The following SLC25A16 variants were observed in gnomAD, a reference collection of about 807,000 sequenced individuals.
The protein encoded by SLC25A16 is solute carrier family 25 member 16, also known as mitochondrial coenzyme A transporter SLC25A16.
A neutral mutation model predicts 41.5 loss-of-function variants in SLC25A16; 39 were observed. The observed-to-expected ratio is 0.94, with a 90% CI of 0.73 to 1.23. The LOEUF (loss-of-function observed/expected upper bound fraction) is 1.23, where lower values mean the gene tolerates loss of function less well. Among genes scored for constraint, SLC25A16 ranks in the 50% most tolerant of loss-of-function variants. SLC25A16 has a pLI of 0.00. For synonymous variants in SLC25A16, 146 were observed against 147.8 expected (o/e 0.99, Z 0.09); for missense variants, 421 against 426.9 (o/e 0.99, Z 0.12).
At chr10:68,506,519 C>A in intron 3 of SLC25A16, 66 bp downstream of exon 3, 1 of 1,098,148 alleles carries the variant, frequency 9.1e-7, no homozygotes, top group Non-Finnish European at 1.3e-6. Context: ...ATGTCCAAAG[C>A]AAATGCCTGG....
intron 2 of SLC25A16, among the ~76,000 whole-genome samples, chr10:68,510,806 C>T (rs2053049600): frequency 6.6e-6 from 1 of 152,080 alleles, no homozygotes; most frequent in South Asian, 2.1e-4. Context: ...CCACTGCACT[C>T]CCGCCTGGGC....
At chr10:68,493,931 T>C (rs927433338) in intron 4 of SLC25A16, among the ~76,000 whole-genome samples, 2 of 152,186 alleles carry the variant, frequency 1.3e-5, no homozygotes, top group African/African-American at 4.8e-5. Flanking sequence ...TGATCCATTG[T>C]TTCCACATCC....
At chr10:68,512,900 G>A (rs1031968924) in intron 2 of SLC25A16, among the ~76,000 whole-genome samples, 2 of 152,026 alleles carry the variant, frequency 1.3e-5, no homozygotes, top group Admixed American at 6.6e-5. Context: ...TTAGCTGGGC[G>A]TGGTGGCGGG....
At chr10:68,511,567 C>A (rs2053063821) in intron 2 of SLC25A16, among the ~76,000 whole-genome samples, 1 of 152,198 alleles carries the variant, frequency 6.6e-6, no homozygotes, top group Non-Finnish European at 1.5e-5. Context: ...CACTGATACG[C>A]AGAGTAATAC....
chr10:68,485,567 G>A (rs2133483234), intron 8 of SLC25A16, among the ~76,000 whole-genome samples: 1 of 150,520 alleles, frequency 6.6e-6, no homozygotes, highest in Non-Finnish European at 1.5e-5. Context: ...TGTATTTTTA[G>A]TAGAGACAGG....
chr10:68,488,629 C>G lies in SLC25A16; in HGVS notation c.611G>C (p.Gly204Ala). ...PTILGMAPYA[G>A]VSFFTFGTLK... ...GGTACCAAAAGTAAAAAATGAAACA[C>G]CTGAAAAACAAAAAATAAATTCACC... is the stretch of plus-strand genomic sequence containing the variant. Residue 204 changes from glycine to alanine, a missense_variant and splice_region_variant, in exon 7 of 9, where the codon GGT becomes GCT. Coordinates refer to ENST00000609923, the MANE Select transcript of SLC25A16 (RefSeq NM_152707.4). 1 of 1,611,354 alleles carries G rather than the reference C, an allele frequency of 6.2e-7. No homozygotes were observed.
chr10:68,508,486 G>A (rs2052997897), intron 2 of SLC25A16, among the ~76,000 whole-genome samples: 1 of 151,734 alleles, frequency 6.6e-6, no homozygotes, highest in Non-Finnish European at 1.5e-5. Flanking sequence ...GGCCGAGGAG[G>A]GTGGATCACC....
intron 2 of SLC25A16, among the ~76,000 whole-genome samples, chr10:68,514,211 A>G (rs1464618932): frequency 2.0e-5 from 3 of 152,076 alleles, no homozygotes; most frequent in Admixed American, 2.0e-4. Context: ...TAGTAATAAT[A>G]ATAGGCCGGG....
At position 68,499,324 on chromosome 10, in the gene SLC25A16, G is replaced by A. The variant is rs116739514; in HGVS notation, c.421+4308C>T. The stretch of plus-strand genomic sequence containing the variant: ...GAGCAGACCAAAGAGCACAACAAGC[G>A]GAACTCAGCTCATCACTTCTAGGTT... On this transcript the variant is annotated intron_variant, in intron 4 of 8. Coordinates refer to ENST00000609923, the MANE Select transcript of SLC25A16 (RefSeq NM_152707.4). Among the ~76,000 whole-genome samples, 600 of 152,282 alleles carry A rather than the reference G, an allele frequency of 3.9e-3. 8 individuals are homozygous for A. The highest frequency in any genetic ancestry group is 0.014 in the African/African-American group (578 of 41,562).
chr10:68,504,373 A>G (rs190714093), intron 3 of SLC25A16, among the ~76,000 whole-genome samples: 15 of 150,604 alleles, frequency 1.0e-4, no homozygotes, highest in Admixed American at 4.0e-4. Flanking sequence ...TGATACACAA[A>G]TGGCATCAAT....
At chr10:68,518,958 C>T (rs1042167794) in intron 1 of SLC25A16, among the ~76,000 whole-genome samples, 7 of 151,786 alleles carry the variant, frequency 4.6e-5, no homozygotes, top group African/African-American at 1.7e-4. Flanking sequence ...TTTGGGAGGC[C>T]GAGGTGGGCG....
At chr10:68,514,697 T>C (rs1214608550) in intron 2 of SLC25A16, among the ~76,000 whole-genome samples, 1 of 152,086 alleles carries the variant, frequency 6.6e-6, no homozygotes, top group Non-Finnish European at 1.5e-5. Context: ...TATTGAAGTG[T>C]CCATGTTAAT....
chr10:68,527,386 G>C lies in SLC25A16; in HGVS notation c.-11C>G. 1 of 1,480,570 alleles carries C rather than the reference G, an allele frequency of 6.8e-7. No homozygotes were observed. The highest frequency in any genetic ancestry group is 8.9e-7 in the Non-Finnish European group (1 of 1,123,268). 91.7% of individuals were successfully genotyped at this position (1,480,570 alleles called of 1,614,324 possible). A position where few individuals can be genotyped will look rare whatever the true frequency, so the allele number is the denominator to read the frequency against. ...CGTCGCCGCCGCCATCAGGACCAGGGTCGCGTCAGGAGCCTAGGTTGCCAA... is the reference window on the plus strand; with the variant it reads ...CGTCGCCGCCGCCATCAGGACCAGGCTCGCGTCAGGAGCCTAGGTTGCCAA... On this transcript the variant is annotated 5_prime_UTR_variant, in exon 1 of 9. Transcript: ENST00000609923.
In SLC25A16 at chr10:68,523,576, G is replaced by A. The variant is rs557316168; in HGVS notation, c.130+3670C>T. On this transcript the variant is annotated intron_variant, in intron 1 of 8. Transcript: ENST00000609923. ...CAACCTCCACCACCCAGGTTGAAGC[G>A]ATTCTCATGCCTCAGCTTCCCAAGT... Among the ~76,000 whole-genome samples, 6 of 152,224 alleles carry A rather than the reference G, an allele frequency of 3.9e-5. No individual in the cohort carries two copies. The East Asian group carries it at 9.7e-4, about 25-fold the overall frequency.
At chr10:68,513,049 AC>A (rs1296068592) in intron 2 of SLC25A16, among the ~76,000 whole-genome samples, 1 of 152,088 alleles carries the variant, frequency 6.6e-6, no homozygotes, top group Non-Finnish European at 1.5e-5. Flanking sequence ...GATAAACAAA[AC>A]AAAACAAAAT....
chr10:68,502,213 C>CA (rs796673637), intron 4 of SLC25A16, among the ~76,000 whole-genome samples: 7 of 147,970 alleles, frequency 4.7e-5, no homozygotes, highest in Non-Finnish European at 1.0e-4. Context: ...GACTCCGTCT[C>CA]AAAAAAAAAG....
At chr10:68,527,215 G>T (rs1177281868) in intron 1 of SLC25A16, 31 bp downstream of exon 1, 6 of 1,543,016 alleles carry the variant, frequency 3.9e-6, no homozygotes. Flanking sequence ...GCCACTCAGA[G>T]CGCGGCTGGC....
At chr10:68,492,348 T>C (rs999051098) in intron 6 of SLC25A16, among the ~76,000 whole-genome samples, 15 of 152,202 alleles carry the variant, frequency 9.9e-5, no homozygotes, top group Admixed American at 8.5e-4. Context: ...AATGAAGTAT[T>C]GCCCAATTCT....
At chr10:68,519,281 G>A (rs960988009) in intron 1 of SLC25A16, among the ~76,000 whole-genome samples, 2 of 151,888 alleles carry the variant, frequency 1.3e-5, no homozygotes, top group African/African-American at 4.8e-5. Flanking sequence ...GAGGTCAGGA[G>A]TTCAAGACCA....
Sources: allele counts gnomAD v4.1 joint callset (sites outside exome capture counted in the v4.1 genomes callset), GRCh38; gene constraint gnomAD v4.1.1; transcripts MANE v1.5; gene names NCBI Gene and HGNC (gene_info 2026-07-23, HGNC 2026-07-21).